Variants in SLC13A4 observed in about 807,000 individuals in gnomAD.
The protein encoded by SLC13A4 is solute carrier family 13 member 4.
SLC13A4 carries 28 observed loss-of-function variants against 72.7 expected under a neutral mutation model. The ratio of observed to expected loss-of-function variants is 0.39; its 90% CI spans 0.29 to 0.53. SLC13A4 has a LOEUF of 0.53. SLC13A4 is among the 20% of genes least tolerant of loss of function. The pLI is 0.78. For synonymous variants in SLC13A4, 312 were observed against 325.5 expected (o/e 0.96, Z 0.45); for missense variants, 653 against 788.0 (o/e 0.83, Z 2.05).
At chr7:135,682,164 G>T (rs1335087299) in intron 15 of SLC13A4, among the ~76,000 whole-genome samples, 2 of 152,190 alleles carry the variant, frequency 1.3e-5, no homozygotes, top group Non-Finnish European at 2.9e-5. Flanking sequence ...CATGGAAATA[G>T]TGTACCTTGA....
rs1584725252 is a variant in SLC13A4, at chr7:135,699,215, C to T, written c.899+149G>A. ...TTTGCCCTCCCAATGTGCCTTATTACAGATATGAGCCACTGTGCTCAGCCT... is the reference window on the plus strand; with the variant it reads ...TTTGCCCTCCCAATGTGCCTTATTATAGATATGAGCCACTGTGCTCAGCCT... On this transcript the variant is annotated intron_variant, in intron 8 of 15. Transcript: ENST00000682651. The T allele has an allele frequency of 7.4e-6, 6 of 807,066 alleles. No homozygotes were observed. In the East Asian group the frequency reaches 1.5e-4, roughly 20 times the overall value. The allele number at this position is 807,066 out of a possible 1,614,324, so 50.0% of individuals were successfully genotyped here.
At position 135,681,518 on chromosome 7, in the gene SLC13A4, G is replaced by C; in HGVS notation, c.*45C>G. On this transcript the variant is annotated 3_prime_UTR_variant, in exon 16 of 16. Transcript: ENST00000682651. ...CTTTGCCTGTGGTCCAGATACTGCTGGATACTGGCAGCTCCTGTGGTTGGG... is the reference window on the plus strand; with the variant it reads ...CTTTGCCTGTGGTCCAGATACTGCTCGATACTGGCAGCTCCTGTGGTTGGG... 6.3e-7 allele frequency: 1 copy of C among 1,596,120 alleles called. No individual in the cohort carries two copies. Among genetic ancestry groups the C allele is most frequent in the Non-Finnish European group, 8.6e-7 (1 of 1,169,374 alleles).
At position 135,695,441 on chromosome 7, in the gene SLC13A4, A is replaced by AG. The variant is rs1355045653; in HGVS notation, c.945dup (p.Phe316LeufsTer27). On this transcript the variant is annotated frameshift_variant, in exon 9 of 16. Transcript: ENST00000682651. LOFTEE classifies it high-confidence loss of function. ...ATGATGAGGGATATGGGGAAGCTGA[A>AG]GAGGAACCAGGTGCCAAAGTTCACC... The AG allele has an allele frequency of 6.2e-7, 1 of 1,614,096 alleles. No individual in the cohort carries two copies.
intron 2 of SLC13A4, 43 bp from the exon 3 acceptor site, chr7:135,708,293 G>C (rs774418451): frequency 5.2e-5 from 84 of 1,611,928 alleles, no homozygotes; most frequent in Middle Eastern, 1.6e-4. Flanking sequence ...CCGGACCAAA[G>C]ACCCAGGGCC....
intron 11 of SLC13A4, 89 bp from the exon 12 acceptor site, chr7:135,691,734 G>A (rs1795792199): frequency 9.1e-6 from 8 of 878,804 alleles, no homozygotes; most frequent in African/African-American, 1.7e-5. Context: ...CGAACACAGT[G>A]CCTCTTTTTA....
intron 13 of SLC13A4, among the ~76,000 whole-genome samples, chr7:135,687,349 C>T (rs1795653827): frequency 6.6e-6 from 1 of 152,164 alleles, no homozygotes; most frequent in Admixed American, 6.5e-5. Context: ...TCCTCAAGCT[C>T]TTAAGTCCTG....
At chr7:135,706,719 C>G (rs962405362) in intron 3 of SLC13A4, among the ~76,000 whole-genome samples, 10 of 152,174 alleles carry the variant, frequency 6.6e-5, no homozygotes, top group African/African-American at 2.4e-4. Context: ...CCACGGCACT[C>G]CTTGCTTTGC....
chr7:135,684,292 G>C (rs771580668), intron 14 of SLC13A4, 31 bp from the exon 15 acceptor site: 2 of 1,574,500 alleles, frequency 1.3e-6, no homozygotes, highest in Non-Finnish European at 1.7e-6. Context: ...AAACATTCAC[G>C]AGATTAGGCT....
At chr7:135,723,337 T>A (rs914061810) in intron 1 of SLC13A4, among the ~76,000 whole-genome samples, 11 of 152,160 alleles carry the variant, frequency 7.2e-5, no homozygotes, top group Admixed American at 6.5e-5. Flanking sequence ...AAGTACAACA[T>A]TCTTATCAGA....
chr7:135,695,220 C>T (rs1795874522), intron 9 of SLC13A4, 148 bp downstream of exon 9: 1 of 1,001,416 alleles, frequency 1.0e-6, no homozygotes. Flanking sequence ...CAGCACCTGA[C>T]TCTCAGACCA....
chr7:135,708,846 T>C (rs1462319949), intron 2 of SLC13A4, among the ~76,000 whole-genome samples: 3 of 151,874 alleles, frequency 2.0e-5, no homozygotes, highest in Admixed American at 2.0e-4. Flanking sequence ...TGTATACTTT[T>C]ATATCTTGCC....
intron 10 of SLC13A4, 88 bp downstream of exon 10, chr7:135,694,049 G>A (rs1033261177): frequency 3.6e-5 from 29 of 802,938 alleles, no homozygotes; most frequent in Middle Eastern, 5.2e-4. Context: ...CAGTGTCAGG[G>A]ATTGTCAGGA....
In SLC13A4 at chr7:135,685,654, G is replaced by A. The variant is rs546714866; in HGVS notation, c.1476C>T (p.Asn492=). 6.2e-7 allele frequency: 1 copy of A among 1,614,068 alleles called. No individual in the cohort carries two copies. The highest frequency in any genetic ancestry group is 8.5e-7 in the Non-Finnish European group (1 of 1,180,028). The change falls in exon 14 of 16, where the codon AAC becomes AAT. Residue 492 remains asparagine (N), a synonymous_variant. Coordinates refer to ENST00000682651, the MANE Select transcript of SLC13A4 (RefSeq NM_001318192.2). ...GGAGGCTGCTCAGGGACAACATCTG[G>A]TTCCCAATCCATGTAGAGAGGCCAG... The part of the protein sequence containing the change: ...KSSGLSTWIG[N]QMLSLSSLPP...
In SLC13A4 at chr7:135,727,582, A is replaced by G. The variant is rs1008490159; in HGVS notation, c.-86T>C. The G allele has an allele frequency of 9.6e-6, 14 of 1,463,460 alleles. No individual in the cohort carries two copies. The highest frequency in any genetic ancestry group is 1.1e-5 in the Non-Finnish European group (12 of 1,096,250). 90.7% of individuals were successfully genotyped at this position (1,463,460 alleles called of 1,614,324 possible). On this transcript the variant is annotated 5_prime_UTR_variant, in exon 1 of 16. Coordinates refer to ENST00000682651, the MANE Select transcript of SLC13A4 (RefSeq NM_001318192.2). ...CCTGGGCACTGCTCTCTATCCAGAA[A>G]GACTTCTTAAACCTTTCTTGGCTTC...
intron 2 of SLC13A4, among the ~76,000 whole-genome samples, chr7:135,711,333 T>C (rs73160740): frequency 0.16 from 25,077 of 152,138 alleles, 2,103 homozygotes; most frequent in Admixed American, 0.17. Context: ...TATCCCATTC[T>C]AGAACACCGG....
chr7:135,704,779 A>G (rs970734105), intron 5 of SLC13A4: 2 of 152,254 alleles, frequency 1.3e-5, no homozygotes, highest in Non-Finnish European at 2.9e-5. Flanking sequence ...AAGAAATCCA[A>G]TATGCTATGA....
intron 5 of SLC13A4, chr7:135,704,351 C>G (rs62480967): frequency 0.035 from 5,311 of 152,712 alleles, 106 homozygotes; most frequent in Middle Eastern, 0.088. Context: ...AGTTGCCCCA[C>G]AGATGAAAGA....
intron 2 of SLC13A4, among the ~76,000 whole-genome samples, chr7:135,719,432 A>AT (rs558050222): frequency 8.6e-4 from 131 of 151,792 alleles, no homozygotes; most frequent in Admixed American, 1.8e-3. Context: ...TCTAAACATC[A>AT]TTTTTTTTCC....
At chr7:135,681,851 C>T (rs1484074914) in intron 15 of SLC13A4, 151 bp from the exon 16 acceptor site, 9 of 982,072 alleles carry the variant, frequency 9.2e-6, no homozygotes, top group Non-Finnish European at 1.3e-5. Flanking sequence ...TTGTAGGGTG[C>T]ACAGGACTGT....
Sources: allele counts gnomAD v4.1 joint callset (sites outside exome capture counted in the v4.1 genomes callset), GRCh38; gene constraint gnomAD v4.1.1; transcripts MANE v1.5; gene names NCBI Gene and HGNC (gene_info 2026-07-23, HGNC 2026-07-21).